The following AHI1 variants were observed in gnomAD, a reference collection of about 807,000 sequenced individuals.
AHI1 encodes jouberin.
In AHI1, 123 loss-of-function variants were observed where a neutral mutation model predicts 149.3. The observed-to-expected ratio is 0.82, with a 90% CI of 0.71 to 0.96. The LOEUF (loss-of-function observed/expected upper bound fraction) is 0.96, where lower values mean the gene tolerates loss of function less well. AHI1 is among the 40% of genes least tolerant of loss of function. The pLI, the probability that AHI1 is intolerant of heterozygous loss-of-function variation, is 0.00. For missense variants in AHI1, 1,439 were observed against 1,422.7 expected, an observed-to-expected ratio of 1.01 and a Z score of -0.18; for synonymous variants, 475 against 459.8, an observed-to-expected ratio of 1.03 and a Z score of -0.42.
At chr6:135,478,173 A>G (rs958255313) in intron 5 of AHI1, among the ~76,000 whole-genome samples, 33 of 152,316 alleles carry the variant, frequency 2.2e-4, no homozygotes, top group African/African-American at 7.5e-4. Context: ...GGGCATTGCT[A>G]TAAAGATACC....
At chr6:135,317,152 T>C (rs933446401) in intron 26 of AHI1, among the ~76,000 whole-genome samples, 1 of 152,148 alleles carries the variant, frequency 6.6e-6, no homozygotes, top group African/African-American at 2.4e-5. Flanking sequence ...TTCCTTGTGC[T>C]AGGTCCTTAG....
At chr6:135,380,738 C>CCG (rs1776631310) in intron 23 of AHI1, among the ~76,000 whole-genome samples, 1 of 119,504 alleles carries the variant, frequency 8.4e-6, no homozygotes, top group Non-Finnish European at 1.7e-5. Context: ...ATAACCCCCC[C>CCG]CCCCCCAAAA....
intron 26 of AHI1, chr6:135,302,799 CTGTTT>C (rs747816783): frequency 1.6e-6 from 2 of 1,288,970 alleles, no homozygotes; most frequent in South Asian, 1.2e-5. Flanking sequence ...TCTCTGTGAG[CTGTTT>C]TGTTTTATTT....
chr6:135,344,593 T>C (rs1483984984), intron 24 of AHI1, among the ~76,000 whole-genome samples: 1 of 151,746 alleles, frequency 6.6e-6, no homozygotes, highest in Non-Finnish European at 1.5e-5. Context: ...AAACCAAATA[T>C]AGATTTGTTA....
intron 22 of AHI1, among the ~76,000 whole-genome samples, chr6:135,400,645 G>C (rs1248992764): frequency 1.3e-5 from 2 of 152,204 alleles, no homozygotes; most frequent in African/African-American, 4.8e-5. Context: ...AAAAAATTAA[G>C]CTGAAAGCTA....
At chr6:135,487,097 C>T (rs990780335) in intron 5 of AHI1, among the ~76,000 whole-genome samples, 2 of 152,080 alleles carry the variant, frequency 1.3e-5, no homozygotes, top group African/African-American at 4.8e-5. Flanking sequence ...TTTGAACCCA[C>T]TTTTTAAAAT....
chr6:135,288,348 C>G (rs1228542698), intron 28 of AHI1, among the ~76,000 whole-genome samples: 1 of 151,982 alleles, frequency 6.6e-6, no homozygotes, highest in Non-Finnish European at 1.5e-5. Flanking sequence ...ATTCCTAGTT[C>G]AGGTACTTTG....
At chr6:135,307,069 C>T (rs530256586) in intron 26 of AHI1, 11 of 152,206 alleles carry the variant, frequency 7.2e-5, no homozygotes, top group South Asian at 6.2e-4. Context: ...TGCTTAAAAA[C>T]GCCTATAGCA....
chr6:135,290,029 G>A (rs1030107952), intron 28 of AHI1, among the ~76,000 whole-genome samples: 7 of 151,918 alleles, frequency 4.6e-5, no homozygotes, highest in African/African-American at 9.7e-5. Context: ...CTCCGACACC[G>A]CAGATGGCTC....
At chr6:135,353,587 C>T (rs1298675737) in intron 24 of AHI1, among the ~76,000 whole-genome samples, 1 of 152,006 alleles carries the variant, frequency 6.6e-6, no homozygotes, top group African/African-American at 2.4e-5. Context: ...CAATAGGTAG[C>T]AATCTTGTCA....
chr6:135,451,652 C>A (rs2128066842), intron 11 of AHI1, among the ~76,000 whole-genome samples: 2 of 152,002 alleles, frequency 1.3e-5, no homozygotes, highest in Middle Eastern at 3.4e-3. Context: ...TTGCCAATGG[C>A]ATAAGATGAA....
intron 17 of AHI1, among the ~76,000 whole-genome samples, chr6:135,430,369 T>C (rs1784479172): frequency 6.6e-6 from 1 of 151,866 alleles, no homozygotes. Context: ...CAAAACCACA[T>C]GTAGAAATAA....
chr6:135,411,842 A>G (rs1454934965), intron 20 of AHI1, among the ~76,000 whole-genome samples: 1 of 152,194 alleles, frequency 6.6e-6, no homozygotes, highest in Admixed American at 6.5e-5. Flanking sequence ...AATCAAAGGC[A>G]TAACAGAATT....
chr6:135,330,975 T>G lies in AHI1; in HGVS notation c.3166-7651A>C, dbSNP rs139254132. On this transcript the variant is annotated intron_variant, in intron 24 of 28. Coordinates refer to ENST00000265602, the MANE Select transcript of AHI1 (RefSeq NM_001134831.2). ...TATTTTATAATAAATTAAAGTTCTA[T>G]AAAGCAGTTAGGTGGCACAGTCCTA... Among the ~76,000 whole-genome samples the G allele has an allele frequency of 1.7e-3, 254 of 152,346 alleles. 1 individual carries two copies. The highest frequency in any genetic ancestry group is 5.9e-3 in the African/African-American group (246 of 41,584).
chr6:135,418,487 G>C (rs1017487248), intron 20 of AHI1, among the ~76,000 whole-genome samples: 1 of 152,026 alleles, frequency 6.6e-6, no homozygotes, highest in African/African-American at 2.4e-5. Context: ...GTATGTTCTT[G>C]AGTTAAACAA....
chr6:135,405,859 C>CAAAAAAAAA (rs543403253), intron 21 of AHI1, among the ~76,000 whole-genome samples: 2 of 29,396 alleles, frequency 6.8e-5, no homozygotes, highest in African/African-American at 2.5e-4. Context: ...GACTCCAACT[C>CAAAAAAAAA]AAAAAAAAAA....
Position 135,433,104 on chromosome 6 carries a change from C to T in AHI1, c.2189G>A (p.Arg730Lys), listed in dbSNP as rs1784897773. Residue 730 changes from arginine to lysine, a missense_variant, in exon 16 of 29, where the codon AGA becomes AAA. By Grantham distance (26) the Arg-to-Lys change is conservative. Coordinates refer to ENST00000265602, the MANE Select transcript of AHI1 (RefSeq NM_001134831.2). Reference sequence around the variant, plus strand: ...TCGGACCAATATGGCAGAATCTTCTCTCATCTCAACTTTCCATATCCGTAT... The same window carrying T: ...TCGGACCAATATGGCAGAATCTTCTTTCATCTCAACTTTCCATATCCGTAT... ...SMIRIWKVEM[R>K]EDSAILVRQF... 1 of 1,613,740 alleles carries T rather than the reference C, an allele frequency of 6.2e-7. No homozygotes were observed. The highest frequency in any genetic ancestry group is 8.5e-7 in the Non-Finnish European group (1 of 1,179,740).
At chr6:135,406,082 TTTAA>T (rs1303284051) in intron 21 of AHI1, among the ~76,000 whole-genome samples, 1 of 152,056 alleles carries the variant, frequency 6.6e-6, no homozygotes, top group Non-Finnish European at 1.5e-5. Context: ...ATATAAATCA[TTTAA>T]TTATTTATCA....
At chr6:135,402,958 C>T (rs1406037822) in intron 22 of AHI1, among the ~76,000 whole-genome samples, 1 of 152,020 alleles carries the variant, frequency 6.6e-6, no homozygotes, top group Non-Finnish European at 1.5e-5. Flanking sequence ...TCCCCCTAAT[C>T]CCTGTGTTGT....
Sources: gnomAD v4.1 joint callset for allele counts (sites outside exome capture counted in the v4.1 genomes callset) on GRCh38, gnomAD v4.1.1 for gene constraint, MANE v1.5 for transcripts, NCBI Gene and HGNC (gene_info 2026-07-23, HGNC 2026-07-21) for gene names.